Variants in GLB1 observed in about 807,000 individuals in gnomAD.
GLB1 encodes the protein beta-galactosidase.
A neutral mutation model predicts 74.0 loss-of-function variants in GLB1; 56 were observed. The observed-to-expected ratio is 0.76, with a 90% CI of 0.61 to 0.94. GLB1 has a LOEUF of 0.94. Ranked by LOEUF, GLB1 falls within the 40% of genes least tolerant of loss-of-function variation. The pLI is 0.00. For synonymous variants in GLB1, 323 were observed against 323.6 expected (o/e 1.00, Z 0.02); for missense variants, 787 against 845.5 (o/e 0.93, Z 0.86).
chr3:32,995,844 CA>C (rs71070110), downstream of GLB1, among the ~76,000 whole-genome samples: 27,365 of 123,830 alleles, frequency 0.22, 2,782 homozygotes, highest in Middle Eastern at 0.36. Flanking sequence ...GACCCAGCCT[CA>C]AAAAAAAAAA....
intron 1 of GLB1, chr3:33,096,713 A>G (rs1240568073): frequency 4.1e-6 from 5 of 1,228,642 alleles, no homozygotes; most frequent in East Asian, 4.1e-5. Context: ...AAATGTTTAC[A>G]CGCACCTCGT....
intron 1 of GLB1, chr3:33,090,598 A>C (rs1575496777): frequency 1.0e-6 from 1 of 985,274 alleles, no homozygotes; most frequent in Non-Finnish European, 1.2e-6. Flanking sequence ...GTTTCTCACC[A>C]CCTCCCCCGG....
chr3:33,069,020 G>T, intron 2 of GLB1, 50 bp from the exon 3 acceptor site: 1 of 1,613,948 alleles, frequency 6.2e-7, no homozygotes, highest in Non-Finnish European at 8.5e-7. Context: ...GAGTCAAGAA[G>T]AAAGAAGCGT....
intron 6 of GLB1, among the ~76,000 whole-genome samples, chr3:33,056,054 C>G (rs1318399030): frequency 6.6e-6 from 1 of 151,168 alleles, no homozygotes; most frequent in Non-Finnish European, 1.5e-5. Context: ...ATGGTGAAAC[C>G]CTGTCTCTAC....
the GLB1 span, among the ~76,000 whole-genome samples, chr3:32,971,065 G>A: frequency 1.3e-5 from 2 of 152,274 alleles, no homozygotes; most frequent in Admixed American, 6.5e-5. Context: ...ACATCTGTAC[G>A]GAGAACCACA....
At chr3:32,979,621 G>C in the GLB1 span, among the ~76,000 whole-genome samples, 1 of 151,960 alleles carries the variant, frequency 6.6e-6, no homozygotes, top group South Asian at 2.1e-4. Flanking sequence ...GGGAGGCCAA[G>C]ATGGGAGGAT....
At position 33,058,269 on chromosome 3, in the gene GLB1, C is replaced by T. The variant is rs1042115912; in HGVS notation, c.553G>A (p.Val185Ile). The part of the protein sequence containing the change: ...QNGGPVITVQ[V>I]ENEYGSYFAC... ...AAGTAGCTGCCATATTCATTTTCAA[C>T]CTGTGAGTGAAAAAAGAGCAGGGAA... The change falls in exon 6 of 16, where the codon GTT becomes ATT. Residue 185 changes from valine to isoleucine, a missense_variant and splice_region_variant. Val to Ile is a conservative substitution (Grantham distance 29, BLOSUM62 3). Transcript: ENST00000307363. 1.2e-6 allele frequency: 2 copies of T among 1,613,928 alleles called. No individual in the cohort carries two copies. The highest frequency in any genetic ancestry group is 2.7e-5 in the African/African-American group (2 of 74,892).
the GLB1 span, among the ~76,000 whole-genome samples, chr3:32,986,965 T>C: frequency 6.6e-6 from 1 of 152,190 alleles, no homozygotes; most frequent in Non-Finnish European, 1.5e-5. Context: ...CAAGTCTCAG[T>C]TTAGAGACCG....
chr3:32,963,098 CAG>C, the GLB1 span, among the ~76,000 whole-genome samples: 3 of 151,950 alleles, frequency 2.0e-5, no homozygotes, highest in Non-Finnish European at 1.5e-5. Flanking sequence ...TCAAGTGAAA[CAG>C]AATGGGAAAT....
chr3:33,096,788 C>CG, intron 1 of GLB1: 1 of 1,343,570 alleles, frequency 7.4e-7, no homozygotes, highest in Non-Finnish European at 9.5e-7. Context: ...GCGGAACGCA[C>CG]AAGCGACCGA....
intron 5 of GLB1, among the ~76,000 whole-genome samples, chr3:33,062,217 G>A (rs926208477): frequency 4.6e-5 from 7 of 152,076 alleles, no homozygotes; most frequent in African/African-American, 7.2e-5. Flanking sequence ...AGGCTGGAGT[G>A]CAGTGAGTGG....
chr3:33,053,665 TC>T (rs1465143301), intron 6 of GLB1, 116 bp from the exon 7 acceptor site: 8 of 1,324,230 alleles, frequency 6.0e-6, no homozygotes, highest in Non-Finnish European at 8.1e-6. Context: ...AATGTTAGTA[TC>T]CCCCCAAAAT....
the GLB1 span, among the ~76,000 whole-genome samples, chr3:32,962,223 A>G: frequency 6.6e-6 from 1 of 151,984 alleles, no homozygotes; most frequent in African/African-American, 2.4e-5. Context: ...AGAAGCTGTC[A>G]CAGCCAAGGG....
the GLB1 span, among the ~76,000 whole-genome samples, chr3:32,979,839 G>C: frequency 7.7e-6 from 1 of 130,676 alleles, no homozygotes; most frequent in Non-Finnish European, 1.5e-5. Context: ...GTGACAGAGT[G>C]AGACCCTGTC....
chr3:32,994,061 TC>T (rs1243572406), downstream of GLB1, among the ~76,000 whole-genome samples: 1 of 152,154 alleles, frequency 6.6e-6, no homozygotes, highest in African/African-American at 2.4e-5. Flanking sequence ...GACTAAACAA[TC>T]CCTCTCATGG....
intron 15 of GLB1, 97 bp from the exon 16 acceptor site, chr3:32,997,441 GGAAA>G: frequency 6.4e-7 from 1 of 1,556,964 alleles, no homozygotes; most frequent in Non-Finnish European, 8.7e-7. Flanking sequence ...CAGCAATGGA[GGAAA>G]GAAATGCCCC....
chr3:33,031,603 C>T (rs1310450004), intron 10 of GLB1, among the ~76,000 whole-genome samples: 1 of 79,748 alleles, frequency 1.3e-5, no homozygotes, highest in African/African-American at 5.2e-5. Flanking sequence ...CAGAGCAAGG[C>T]TCTGTCTCAA....
intron 15 of GLB1, among the ~76,000 whole-genome samples, chr3:33,002,281 G>C (rs1232939959): frequency 1.3e-5 from 2 of 151,886 alleles, no homozygotes; most frequent in East Asian, 3.9e-4. Context: ...GTGTTTGTCT[G>C]TCTGTTTTAA....
rs758168173 is a variant in GLB1, at chr3:32,997,077, T to A, written c.2002A>T (p.Lys668Ter). 17 of 1,614,012 alleles carry A rather than the reference T, an allele frequency of 1.1e-5. No individual in the cohort carries two copies. In the East Asian group the frequency reaches 3.8e-4, roughly 36 times the overall value. The change falls in exon 16 of 16, where the codon AAA becomes TAA. Residue 668 changes from lysine to a stop codon, truncating the protein, a stop_gained. Transcript: ENST00000307363. LOFTEE classifies it low-confidence loss of function (END_TRUNC). ...TGGTCCAGCCATGAATCTTTGTTTTTTTGCGGGGGTGGGGGCATGAGTCTT... is the reference window on the plus strand; with the variant it reads ...TGGTCCAGCCATGAATCTTTGTTTTATTGCGGGGGTGGGGGCATGAGTCTT... The part of the protein sequence containing the change: ...EKRLMPPPPQ[K>*]NKDSWLDHV
Sources: allele counts gnomAD v4.1 joint callset (sites outside exome capture counted in the v4.1 genomes callset), GRCh38; gene constraint gnomAD v4.1.1; transcripts MANE v1.5; gene names NCBI Gene and HGNC (gene_info 2026-07-23, HGNC 2026-07-21).